The following KCNJ6 variants were observed in gnomAD, a reference collection of about 807,000 sequenced individuals.
KCNJ6 encodes potassium inwardly rectifying channel subfamily J member 6.
A neutral mutation model predicts 34.2 loss-of-function variants in KCNJ6; 9 were observed. That is an observed-to-expected ratio of 0.26 (90% CI 0.16 to 0.46). The LOEUF is 0.46. Ranked by LOEUF, KCNJ6 falls within the 20% of genes least tolerant of loss-of-function variation. The pLI is 1.00. For missense variants in KCNJ6, 236 were observed against 531.3 expected (o/e 0.44, Z 5.46); for synonymous variants, 196 against 207.1 (o/e 0.95, Z 0.46).
At chr21:37,875,390 C>T (rs1457094216) in intron 1 of KCNJ6, among the ~76,000 whole-genome samples, 1 of 152,282 alleles carries the variant, frequency 6.6e-6, no homozygotes, top group East Asian at 1.9e-4. Flanking sequence ...GCCCATCCTG[C>T]TTCCTCCTCC....
At chr21:37,633,232 C>T (rs1003399222) in intron 3 of KCNJ6, among the ~76,000 whole-genome samples, 15 of 152,052 alleles carry the variant, frequency 9.9e-5, no homozygotes, top group Non-Finnish European at 2.1e-4. Context: ...ATTGAAAGAT[C>T]ATTTAAATAT....
At chr21:37,722,795 T>C (rs2054833539) in intron 2 of KCNJ6, among the ~76,000 whole-genome samples, 2 of 152,194 alleles carry the variant, frequency 1.3e-5, no homozygotes, top group Non-Finnish European at 2.9e-5. Flanking sequence ...TCAATATAGA[T>C]TAAAAGTTTA....
chr21:37,852,266 C>G (rs937972971), intron 1 of KCNJ6, among the ~76,000 whole-genome samples: 2 of 152,292 alleles, frequency 1.3e-5, no homozygotes, highest in African/African-American at 2.4e-5. Flanking sequence ...ATATGGGGAG[C>G]CTGGTCCTCC....
At chr21:37,848,030 A>G (rs2055518564) in intron 1 of KCNJ6, among the ~76,000 whole-genome samples, 1 of 152,188 alleles carries the variant, frequency 6.6e-6, no homozygotes, top group Admixed American at 6.5e-5. Flanking sequence ...GCTTGGTGTG[A>G]GAAGAAGAGC....
At chr21:37,721,991 G>GAGAA (rs1296724565) in intron 2 of KCNJ6, among the ~76,000 whole-genome samples, 3 of 152,220 alleles carry the variant, frequency 2.0e-5, no homozygotes, top group Non-Finnish European at 2.9e-5. Flanking sequence ...CAAATAGGAA[G>GAGAA]AGAAGAAGTA....
intron 2 of KCNJ6, among the ~76,000 whole-genome samples, chr21:37,717,458 C>G (rs1236869050): frequency 6.6e-6 from 1 of 151,626 alleles, no homozygotes; most frequent in Non-Finnish European, 1.5e-5. Context: ...AAGGCCATGT[C>G]CTTCTCACTG....
intron 3 of KCNJ6, among the ~76,000 whole-genome samples, chr21:37,652,026 C>T (rs1440776587): frequency 5.3e-5 from 8 of 151,958 alleles, no homozygotes; most frequent in East Asian, 3.8e-4. Flanking sequence ...TGTTGTGGAA[C>T]GTCAATGAGA....
At chr21:37,780,649 C>A (rs916446760) in intron 2 of KCNJ6, among the ~76,000 whole-genome samples, 21 of 152,230 alleles carry the variant, frequency 1.4e-4, no homozygotes, top group Admixed American at 1.0e-3. Flanking sequence ...AAACCTAAAA[C>A]TCTTCTTAAA....
chr21:37,800,309 A>G (rs2055262972), intron 2 of KCNJ6, among the ~76,000 whole-genome samples: 1 of 152,202 alleles, frequency 6.6e-6, no homozygotes. Context: ...GTGTTGGAGA[A>G]AGGCCATGAA....
At chr21:37,630,170 C>T (rs953205865) in intron 3 of KCNJ6, among the ~76,000 whole-genome samples, 3 of 73,338 alleles carry the variant, frequency 4.1e-5, no homozygotes, top group African/African-American at 1.2e-4. Context: ...TGTTTATGTT[C>T]CATATCAGGG....
At chr21:37,868,970 C>T (rs558213860) in intron 1 of KCNJ6, among the ~76,000 whole-genome samples, 110 of 152,322 alleles carry the variant, frequency 7.2e-4, no homozygotes, top group African/African-American at 2.5e-3. Flanking sequence ...GAGGGAAAAA[C>T]GCAGTAGAGA....
intron 2 of KCNJ6, among the ~76,000 whole-genome samples, chr21:37,760,529 G>A (rs544642312): frequency 2.0e-5 from 3 of 152,338 alleles, no homozygotes; most frequent in Non-Finnish European, 2.9e-5. Context: ...ACAGATGTAA[G>A]TCCAACAGCG....
intron 3 of KCNJ6, among the ~76,000 whole-genome samples, chr21:37,647,993 T>C (rs1569437085): frequency 6.6e-6 from 1 of 152,202 alleles, no homozygotes; most frequent in Non-Finnish European, 1.5e-5. Flanking sequence ...GCTGGCAGAA[T>C]GTGTCAGAAG....
chr21:37,833,392 T>C (rs2123569664), intron 2 of KCNJ6, among the ~76,000 whole-genome samples: 1 of 151,608 alleles, frequency 6.6e-6, no homozygotes, highest in Admixed American at 6.6e-5. Flanking sequence ...AAACACAGAG[T>C]GGAATTGTGC....
intron 2 of KCNJ6, among the ~76,000 whole-genome samples, chr21:37,723,478 A>G (rs2054837271): frequency 6.6e-6 from 1 of 152,244 alleles, no homozygotes; most frequent in Admixed American, 6.5e-5. Context: ...TTGTATGTTC[A>G]TCGCAGCATT....
chr21:37,617,798 T>A lies in KCNJ6; in HGVS notation c.*7361A>T, dbSNP rs181307552. The A allele has an allele frequency of 3.9e-5, 6 of 152,304 alleles. No homozygotes were observed. The highest frequency in any genetic ancestry group is 1.4e-4 in the African/African-American group (6 of 41,554). The allele number at this position is 152,304 out of a possible 1,614,324, so 9.4% of individuals were successfully genotyped here. ...GGGGATTTCCTTACCCTGACTCCAT[T>A]TATTTTACTTGGACTTTCACATGGG... On this transcript the variant is annotated 3_prime_UTR_variant, in exon 4 of 4. Transcript: ENST00000609713.
At position 37,610,341 on chromosome 21, in the gene KCNJ6, T is replaced by C. The variant is rs1192157385; in HGVS notation, c.*14818A>G. The C allele has an allele frequency of 6.6e-6, 1 of 152,154 alleles. No homozygotes were observed. The highest frequency in any genetic ancestry group is 2.4e-5 in the African/African-American group (1 of 41,440). The allele number at this position is 152,154 out of a possible 1,614,324, so 9.4% of individuals were successfully genotyped here. On this transcript the variant is annotated 3_prime_UTR_variant, in exon 4 of 4. Coordinates refer to ENST00000609713, the MANE Select transcript of KCNJ6 (RefSeq NM_002240.5). ...AGACTGCATTCTGGGTCATAAAACA[T>C]ACCTTAACACATTTAAAAGAATAGA...
chr21:37,726,753 C>T (rs576103203), intron 2 of KCNJ6, among the ~76,000 whole-genome samples: 2 of 152,206 alleles, frequency 1.3e-5, no homozygotes, highest in African/African-American at 4.8e-5. Context: ...TCTAAAGAAC[C>T]AGTAGGAAAC....
At chr21:37,886,507 C>A (rs900610019) in intron 1 of KCNJ6, among the ~76,000 whole-genome samples, 4 of 152,168 alleles carry the variant, frequency 2.6e-5, no homozygotes, top group Non-Finnish European at 4.4e-5. Context: ...TTAGAGCTAA[C>A]CTGTCCCAAT....
Sources: allele counts gnomAD v4.1 joint callset (sites outside exome capture counted in the v4.1 genomes callset), GRCh38; gene constraint gnomAD v4.1.1; transcripts MANE v1.5; gene names NCBI Gene and HGNC (gene_info 2026-07-23, HGNC 2026-07-21).